LUZP2: variants seen among roughly 807,000 people sequenced by gnomAD.
The protein encoded by LUZP2 is leucine zipper protein 2.
A neutral mutation model predicts 51.6 loss-of-function variants in LUZP2; 52 were observed. The observed-to-expected ratio is 1.01, with a 90% confidence interval of 0.81 to 1.27. The LOEUF is 1.27. Among genes scored for constraint, LUZP2 ranks in the 50% most tolerant of loss-of-function variants. LUZP2 has a pLI of 0.00. For missense variants in LUZP2, 436 were observed against 395.4 expected (o/e 1.10, Z -0.87); for synonymous variants, 154 against 137.3 (o/e 1.12, Z -0.85).
intron 5 of LUZP2, among the ~76,000 whole-genome samples, chr11:24,828,977 A>G (rs1850619896): frequency 6.6e-6 from 1 of 152,158 alleles, no homozygotes; most frequent in Admixed American, 6.5e-5. Flanking sequence ...AGGGAGGACA[A>G]GGACGTTGAT....
At chr11:25,038,407 C>G (rs1215137458) in intron 9 of LUZP2, among the ~76,000 whole-genome samples, 1 of 152,128 alleles carries the variant, frequency 6.6e-6, no homozygotes, top group Non-Finnish European at 1.5e-5. Flanking sequence ...ACTATGAAAT[C>G]AAGTCTACAT....
intron 4 of LUZP2, among the ~76,000 whole-genome samples, chr11:24,756,300 G>C (rs1259087198): frequency 6.6e-6 from 1 of 152,112 alleles, no homozygotes; most frequent in African/African-American, 2.4e-5. Flanking sequence ...TTACACACAT[G>C]TTCTCAGGAT....
intron 7 of LUZP2, among the ~76,000 whole-genome samples, chr11:24,955,680 G>A (rs1384090130): frequency 2.6e-5 from 4 of 152,056 alleles, no homozygotes; most frequent in Middle Eastern, 3.4e-3. Flanking sequence ...AAAAACGTGG[G>A]TGCATTCTAA....
At chr11:24,501,059 T>C (rs1849978174) in intron 1 of LUZP2, among the ~76,000 whole-genome samples, 2 of 152,180 alleles carry the variant, frequency 1.3e-5, no homozygotes, top group East Asian at 1.9e-4. Context: ...CTGAAATATT[T>C]TGAGGCAACA....
chr11:24,716,868 C>T (rs1858064199), intron 1 of LUZP2, among the ~76,000 whole-genome samples: 2 of 151,834 alleles, frequency 1.3e-5, no homozygotes. Context: ...TGCACTCCAG[C>T]CTGGGTGACA....
intron 1 of LUZP2, among the ~76,000 whole-genome samples, chr11:24,645,834 A>G (rs1458270000): frequency 3.0e-5 from 4 of 131,150 alleles, no homozygotes; most frequent in African/African-American, 8.2e-5. Flanking sequence ...TTGGACATAT[A>G]TATTAAGTGT....
chr11:24,702,963 C>T (rs899834429), intron 1 of LUZP2, among the ~76,000 whole-genome samples: 45 of 152,262 alleles, frequency 3.0e-4, no homozygotes, highest in African/African-American at 1.1e-3. Context: ...TATATCCTTT[C>T]TTCACAAGTA....
Position 24,896,246 on chromosome 11 carries a change from G to A in LUZP2, c.397-9745G>A, listed in dbSNP as rs1305583512. ...GTGGGGGCCCCTCTGTGGGCTGGCC[G>A]AGGCCGGAGCCAGCTCCCTCTGCTT... On this transcript the variant is annotated intron_variant, in intron 5 of 11. Transcript: ENST00000336930. 2.0e-5 allele frequency among the ~76,000 whole-genome samples: 3 copies of A among 152,296 alleles called. No individual in the cohort carries two copies. In the East Asian group the frequency reaches 5.8e-4, roughly 30 times the overall value.
chr11:24,629,663 C>T (rs896313178), intron 1 of LUZP2, among the ~76,000 whole-genome samples: 6 of 150,818 alleles, frequency 4.0e-5, no homozygotes, highest in Non-Finnish European at 7.4e-5. Flanking sequence ...CATAAAAGTG[C>T]AAGTGTCTTT....
At chr11:24,796,167 G>C (rs1849538700) in intron 5 of LUZP2, among the ~76,000 whole-genome samples, 1 of 152,026 alleles carries the variant, frequency 6.6e-6, no homozygotes, top group South Asian at 2.1e-4. Flanking sequence ...TGAACACGCA[G>C]GGGTATACGT....
intron 10 of LUZP2, among the ~76,000 whole-genome samples, chr11:25,053,395 T>G (rs1858582406): frequency 6.6e-6 from 1 of 152,106 alleles, no homozygotes; most frequent in Non-Finnish European, 1.5e-5. Context: ...ATATATAATT[T>G]TAAAAAAGCT....
At chr11:24,609,729 CAAAAAAAAAAAAAAA>C (rs34436907) in intron 1 of LUZP2, among the ~76,000 whole-genome samples, 85 of 65,920 alleles carry the variant, frequency 1.3e-3, no homozygotes, top group African/African-American at 5.7e-3. Context: ...GACTCCAGCT[CAAAAAAAAAAAAAAA>C]AAAAAAAAAA....
chr11:24,929,834 A>G lies in LUZP2; in HGVS notation c.522+15296A>G, dbSNP rs150809484. On this transcript the variant is annotated intron_variant, in intron 7 of 11. Transcript: ENST00000336930. ...CAGTGGGGTACTGAAGTGTTCTACT[A>G]TTATTGTCGTGCTGTCTATATAATT... Among the ~76,000 whole-genome samples the G allele has an allele frequency of 3.1e-3, 471 of 152,204 alleles. 1 individual carries two copies. The highest frequency in any genetic ancestry group is 5.8e-3 in the Non-Finnish European group (391 of 67,994).
chr11:24,826,990 A>G lies in LUZP2; in HGVS notation c.396+63682A>G, dbSNP rs75006940. On this transcript the variant is annotated intron_variant, in intron 5 of 11. Coordinates refer to ENST00000336930, the MANE Select transcript of LUZP2 (RefSeq NM_001009909.4). ...AAAAAACCTATCAACATCTCATAGA[A>G]TCCTTTTCAATAAAATTATAATGTC... Among the ~76,000 whole-genome samples, 690 of 152,266 alleles carry G rather than the reference A, an allele frequency of 4.5e-3. 7 individuals are homozygous for G. The highest frequency in any genetic ancestry group is 0.016 in the African/African-American group (653 of 41,548).
intron 7 of LUZP2, among the ~76,000 whole-genome samples, chr11:24,961,083 C>G (rs1855384750): frequency 2.6e-5 from 4 of 152,112 alleles, no homozygotes; most frequent in African/African-American, 7.2e-5. Context: ...ATCCTGAGTT[C>G]TAGTTTGATT....
intron 1 of LUZP2, among the ~76,000 whole-genome samples, chr11:24,562,075 G>A (rs528166222): frequency 6.6e-6 from 1 of 152,202 alleles, no homozygotes; most frequent in South Asian, 2.1e-4. Flanking sequence ...GGGAACGTTA[G>A]GCGATGAGGA....
intron 7 of LUZP2, among the ~76,000 whole-genome samples, chr11:24,960,155 T>C (rs1855348090): frequency 6.6e-6 from 1 of 152,182 alleles, no homozygotes; most frequent in African/African-American, 2.4e-5. Context: ...GGTTTGCCAG[T>C]ATTTTATTGA....
chr11:24,602,847 A>C (rs1853787797), intron 1 of LUZP2, among the ~76,000 whole-genome samples: 1 of 151,748 alleles, frequency 6.6e-6, no homozygotes. Flanking sequence ...GGAGGGAAGA[A>C]GTACAGTGAG....
intron 1 of LUZP2, among the ~76,000 whole-genome samples, chr11:24,530,151 T>C (rs1850948321): frequency 6.6e-6 from 1 of 150,864 alleles, no homozygotes; most frequent in African/African-American, 2.4e-5. Flanking sequence ...TCAAAAGCAC[T>C]CTGATCCTAA....
Sources: gnomAD v4.1 joint callset for allele counts (sites outside exome capture counted in the v4.1 genomes callset) on GRCh38, gnomAD v4.1.1 for gene constraint, MANE v1.5 for transcripts, NCBI Gene and HGNC (gene_info 2026-07-23, HGNC 2026-07-21) for gene names.